FOCAD: variants seen among roughly 807,000 people sequenced by gnomAD.
FOCAD encodes the protein focadhesin.
In FOCAD, 198 loss-of-function variants were observed where a neutral mutation model predicts 225.6. That is an observed-to-expected ratio of 0.88 (90% CI 0.78 to 0.99). The LOEUF (loss-of-function observed/expected upper bound fraction) is 0.99, where lower values mean the gene tolerates loss of function less well. Among genes scored for constraint, FOCAD ranks in the 50% least tolerant of loss-of-function variants. The probability of loss-of-function intolerance (pLI) is 0.00; values close to 1 mark genes in which losing one functional copy is unlikely to be tolerated. For synonymous variants in FOCAD, 897 were observed against 755.0 expected, an observed-to-expected ratio of 1.19 and a Z score of -3.08; for missense variants, 2,713 against 2,123.6, an observed-to-expected ratio of 1.28 and a Z score of -5.46.
chr9:20,932,935 G>C lies in FOCAD; in HGVS notation c.3318-79G>C, dbSNP rs138676275. ...GCTGGTATTTCCAGTAAAATATTGAGAGTATAATATTGTATTCAGTATTTT... is the reference window on the plus strand; with the variant it reads ...GCTGGTATTTCCAGTAAAATATTGACAGTATAATATTGTATTCAGTATTTT... On this transcript the variant is annotated intron_variant, in intron 27 of 43. Transcript: ENST00000338382. The C allele has an allele frequency of 9.4e-4, 905 of 966,736 alleles. 8 individuals are homozygous for C. The African/African-American group carries it at 0.014, about 15-fold the overall frequency. The allele number at this position is 966,736 out of a possible 1,614,324, so 59.9% of individuals were successfully genotyped here.
At chr9:20,700,064 C>G (rs1823814540) in intron 1 of FOCAD, among the ~76,000 whole-genome samples, 1 of 151,352 alleles carries the variant, frequency 6.6e-6, no homozygotes, top group African/African-American at 2.4e-5. Context: ...TAACTAATAT[C>G]TGATTATTTA....
chr9:20,710,083 T>C (rs947125887), intron 1 of FOCAD, among the ~76,000 whole-genome samples: 3 of 152,168 alleles, frequency 2.0e-5, no homozygotes, highest in Non-Finnish European at 4.4e-5. Flanking sequence ...TTCTTCTGTA[T>C]AGTTCTATCA....
At chr9:20,910,379 A>T (rs1000858964) in intron 22 of FOCAD, among the ~76,000 whole-genome samples, 5 of 152,110 alleles carry the variant, frequency 3.3e-5, no homozygotes, top group Non-Finnish European at 4.4e-5. Context: ...GACATTTTTC[A>T]TGAATTGGCC....
intron 18 of FOCAD, among the ~76,000 whole-genome samples, chr9:20,871,885 G>A (rs1829808747): frequency 6.9e-6 from 1 of 145,208 alleles, no homozygotes; most frequent in Non-Finnish European, 1.5e-5. Flanking sequence ...TTGTGCACAT[G>A]TACCCTAAAA....
chr9:20,792,497 G>A lies in FOCAD; in HGVS notation c.1455+2889G>A, dbSNP rs146119588. Among the ~76,000 whole-genome samples, 373 of 152,300 alleles carry A rather than the reference G, an allele frequency of 2.4e-3. 1 individual carries two copies. Among genetic ancestry groups the A allele is most frequent in the African/African-American group, 7.8e-3 (326 of 41,574 alleles). ...CCCATTGATGAGTTTGACAAATTGA[G>A]TTTTGCAAAACTCAGTGCCTCTTTC... On this transcript the variant is annotated intron_variant, in intron 11 of 43. Transcript: ENST00000338382.
chr9:20,686,195 C>T (rs778433393), intron 1 of FOCAD, among the ~76,000 whole-genome samples: 4 of 152,166 alleles, frequency 2.6e-5, no homozygotes, highest in Non-Finnish European at 4.4e-5. Context: ...GTCACTCTGT[C>T]GCCCAGGCTG....
intron 39 of FOCAD, among the ~76,000 whole-genome samples, chr9:20,983,382 G>A (rs1840881061): frequency 6.6e-6 from 1 of 151,994 alleles, no homozygotes; most frequent in Non-Finnish European, 1.5e-5. Flanking sequence ...GACTATTCTG[G>A]CCAACATGGT....
intron 42 of FOCAD, among the ~76,000 whole-genome samples, chr9:20,992,694 T>C (rs4336687): frequency 0.75 from 113,761 of 152,128 alleles, 42,847 homozygotes; most frequent in East Asian, 0.94. Context: ...GCATGGTGGC[T>C]CACACCTGTA....
At chr9:20,732,164 C>A (rs1183424075) in intron 4 of FOCAD, among the ~76,000 whole-genome samples, 1 of 152,102 alleles carries the variant, frequency 6.6e-6, no homozygotes, top group Non-Finnish European at 1.5e-5. Context: ...GTGAGGAATG[C>A]AGACGTAGTT....
intron 20 of FOCAD, among the ~76,000 whole-genome samples, chr9:20,884,446 G>A (rs564081736): frequency 6.6e-6 from 1 of 151,920 alleles, no homozygotes; most frequent in Admixed American, 6.6e-5. Context: ...TCAGGTGTTC[G>A]CCACCATGCC....
At chr9:20,790,180 A>G (rs140736298) in intron 11 of FOCAD, among the ~76,000 whole-genome samples, 2,003 of 152,318 alleles carry the variant, frequency 0.013, 54 homozygotes, top group African/African-American at 0.045. Context: ...GTAATGAGAA[A>G]GCAGTCAGGC....
intron 15 of FOCAD, among the ~76,000 whole-genome samples, chr9:20,846,964 C>T (rs1827175795): frequency 1.3e-5 from 2 of 152,098 alleles, no homozygotes; most frequent in African/African-American, 4.8e-5. Flanking sequence ...GGTCACATAG[C>T]TACTTAGTGG....
At chr9:20,741,045 A>G (rs1827573287) in intron 5 of FOCAD, among the ~76,000 whole-genome samples, 1 of 152,070 alleles carries the variant, frequency 6.6e-6, no homozygotes, top group African/African-American at 2.4e-5. Context: ...TGCCCTAGGA[A>G]CTCTGTTCAG....
At chr9:20,857,052 G>A (rs549172300) in intron 15 of FOCAD, among the ~76,000 whole-genome samples, 3 of 151,862 alleles carry the variant, frequency 2.0e-5, no homozygotes, top group Non-Finnish European at 4.4e-5. Flanking sequence ...TTTTTACTCA[G>A]GATGGTTTTC....
intron 15 of FOCAD, among the ~76,000 whole-genome samples, chr9:20,848,297 C>T (rs911240811): frequency 6.6e-6 from 1 of 152,020 alleles, no homozygotes; most frequent in Admixed American, 6.6e-5. Context: ...CAGTTAAATT[C>T]TTCTTGGTCT....
At chr9:20,788,336 G>C (rs1371803413) in intron 10 of FOCAD, among the ~76,000 whole-genome samples, 1 of 152,040 alleles carries the variant, frequency 6.6e-6, no homozygotes, top group East Asian at 1.9e-4. Context: ...AGTGGGTATG[G>C]GATTTTTGTT....
chr9:20,973,223 A>G (rs1232234377), intron 35 of FOCAD, among the ~76,000 whole-genome samples: 2 of 144,520 alleles, frequency 1.4e-5, no homozygotes, highest in African/African-American at 5.2e-5. Context: ...CTCTTCTTTC[A>G]GCATCTGCTG....
chr9:20,789,739 TA>T, intron 11 of FOCAD, 131 bp downstream of exon 11: 8 of 1,048,680 alleles, frequency 7.6e-6, no homozygotes, highest in African/African-American at 3.2e-5. Flanking sequence ...TTTTTTTTGC[TA>T]TCTTTATCCT....
At chr9:20,944,866 A>G (rs984555121) in intron 29 of FOCAD, 92 bp downstream of exon 29, 4 of 1,310,732 alleles carry the variant, frequency 3.1e-6, no homozygotes, top group South Asian at 1.6e-5. Context: ...TGGTAACCCT[A>G]TAAATTAAAT....
Sources: gnomAD v4.1 joint callset for allele counts (sites outside exome capture counted in the v4.1 genomes callset) on GRCh38, gnomAD v4.1.1 for gene constraint, MANE v1.5 for transcripts, NCBI Gene and HGNC (gene_info 2026-07-23, HGNC 2026-07-21) for gene names.